Variants in SHANK2 observed in about 807,000 individuals in gnomAD.
The protein encoded by SHANK2 is SH3 and multiple ankyrin repeat domains 2.
SHANK2 carries 43 observed loss-of-function variants against 133.7 expected under a neutral mutation model. The ratio of observed to expected loss-of-function variants is 0.32; its 90% CI spans 0.25 to 0.41. The LOEUF is 0.41. SHANK2 is among the 10% of genes least tolerant of loss of function. The probability of loss-of-function intolerance (pLI) is 1.00; values close to 1 mark genes in which losing one functional copy is unlikely to be tolerated. For synonymous variants in SHANK2, 1,017 were observed against 952.8 expected, an observed-to-expected ratio of 1.07 and a Z score of -1.24; for missense variants, 1,994 against 2,235.8, an observed-to-expected ratio of 0.89 and a Z score of 2.18.
At chr11:70,612,935 G>T (rs559705945) in intron 17 of SHANK2, among the ~76,000 whole-genome samples, 166 of 152,162 alleles carry the variant, frequency 1.1e-3, no homozygotes, top group African/African-American at 3.9e-3. Context: ...TCCCACCAGC[G>T]CACTGTACTC....
At chr11:70,699,406 A>AC (rs1228741408) in intron 14 of SHANK2, among the ~76,000 whole-genome samples, 2 of 152,096 alleles carry the variant, frequency 1.3e-5, no homozygotes, top group Non-Finnish European at 2.9e-5. Flanking sequence ...GGAGAAAAAA[A>AC]ACACACACAC....
intron 15 of SHANK2, among the ~76,000 whole-genome samples, chr11:70,690,401 A>G (rs1296037299): frequency 6.7e-6 from 1 of 149,312 alleles, no homozygotes; most frequent in African/African-American, 2.5e-5. Flanking sequence ...TTGTGATACT[A>G]TTAGTACCCT....
intron 10 of SHANK2, among the ~76,000 whole-genome samples, chr11:70,912,442 T>C (rs558106117): frequency 6.6e-6 from 1 of 152,298 alleles, no homozygotes; most frequent in African/African-American, 2.4e-5. Context: ...TTTCCCATGC[T>C]ATTCTTGTGA....
intron 2 of SHANK2, among the ~76,000 whole-genome samples, chr11:71,149,447 T>G (rs1342577020): frequency 2.6e-5 from 4 of 152,190 alleles, no homozygotes; most frequent in Non-Finnish European, 4.4e-5. Flanking sequence ...GTCTTGTCGC[T>G]TCTCTACAAA....
chr11:70,642,212 C>G (rs1425064628), intron 17 of SHANK2, among the ~76,000 whole-genome samples: 3 of 152,200 alleles, frequency 2.0e-5, no homozygotes, highest in African/African-American at 7.2e-5. Context: ...GCGCCCTGAC[C>G]TCAAACCATC....
chr11:71,069,852 G>A (rs1951119634), intron 9 of SHANK2, among the ~76,000 whole-genome samples: 1 of 152,180 alleles, frequency 6.6e-6, no homozygotes, highest in South Asian at 2.1e-4. Context: ...TCCCTGAACA[G>A]TCTGTTGTTC....
intron 2 of SHANK2, among the ~76,000 whole-genome samples, chr11:71,197,110 A>T (rs1299437963): frequency 6.6e-6 from 1 of 152,128 alleles, no homozygotes; most frequent in East Asian, 1.9e-4. Context: ...GAACAAAATC[A>T]ACATAAATCT....
At chr11:70,863,934 G>A in intron 11 of SHANK2, 1 of 434,032 alleles carries the variant, frequency 2.3e-6, no homozygotes, top group Non-Finnish European at 4.5e-6. Flanking sequence ...CCCCACAACG[G>A]TGAGAGAATG....
In SHANK2 at chr11:70,784,872, T is replaced by C. The variant is rs116471297; in HGVS notation, c.1777+13571A>G. ...GCCACTGCTAAGAGCCCTCCCGCTATTGGGGGCTGCTGTCCTGCCTCCCAT... is the reference window on the plus strand; with the variant it reads ...GCCACTGCTAAGAGCCCTCCCGCTACTGGGGGCTGCTGTCCTGCCTCCCAT... On this transcript the variant is annotated intron_variant, in intron 14 of 25. Transcript: ENST00000601538. Among the ~76,000 whole-genome samples, 195 of 152,290 alleles carry C rather than the reference T, an allele frequency of 1.3e-3. 1 individual carries two copies. The highest frequency in any genetic ancestry group is 4.6e-3 in the African/African-American group (191 of 41,572).
chr11:71,073,174 T>TTTTTTTTTTTTTTTTTTTTTTTATG, intron 9 of SHANK2, among the ~76,000 whole-genome samples: 1 of 117,590 alleles, frequency 8.5e-6, no homozygotes, highest in Non-Finnish European at 2.0e-5. Flanking sequence ...TCTTTTTTTT[T>TTTTTTTTTTTTTTTTTTTTTTTATG]TTGAGATAGA....
At chr11:70,735,036 T>C (rs1946372868) in intron 14 of SHANK2, among the ~76,000 whole-genome samples, 1 of 152,272 alleles carries the variant, frequency 6.6e-6, no homozygotes, top group Non-Finnish European at 1.5e-5. Context: ...CAGTCCCGTG[T>C]CTGGGCTCAG....
chr11:71,161,841 T>G (rs1476999266), intron 2 of SHANK2, among the ~76,000 whole-genome samples: 1 of 152,232 alleles, frequency 6.6e-6, no homozygotes, highest in Non-Finnish European at 1.5e-5. Flanking sequence ...CCTTAGTCAC[T>G]CACATTTGGC....
At chr11:71,141,750 C>A (rs1952557873) in intron 3 of SHANK2, among the ~76,000 whole-genome samples, 1 of 152,138 alleles carries the variant, frequency 6.6e-6, no homozygotes, top group Admixed American at 6.5e-5. Context: ...CAGCCCTGGG[C>A]CTGCTCCTCT....
chr11:71,071,397 C>T (rs938816891), intron 9 of SHANK2, among the ~76,000 whole-genome samples: 1 of 152,216 alleles, frequency 6.6e-6, no homozygotes, highest in Non-Finnish European at 1.5e-5. Context: ...AGCTGAAATG[C>T]CACCCAACCG....
At chr11:71,249,523 T>C (rs1266135014) in intron 1 of SHANK2, among the ~76,000 whole-genome samples, 1 of 152,076 alleles carries the variant, frequency 6.6e-6, no homozygotes, top group Non-Finnish European at 1.5e-5. Flanking sequence ...CAGCCCCAGG[T>C]GAAAGCTCCG....
At chr11:71,244,438 G>T (rs966355382) in intron 1 of SHANK2, among the ~76,000 whole-genome samples, 2 of 151,984 alleles carry the variant, frequency 1.3e-5, no homozygotes, top group Non-Finnish European at 2.9e-5. Context: ...CGGATCACAC[G>T]CTCCTCCCAG....
At chr11:70,945,966 T>C (rs1950720345) in intron 10 of SHANK2, among the ~76,000 whole-genome samples, 1 of 150,086 alleles carries the variant, frequency 6.7e-6, no homozygotes, top group South Asian at 2.1e-4. Flanking sequence ...TAACCAACCC[T>C]TCCCAGGCTC....
intron 17 of SHANK2, among the ~76,000 whole-genome samples, chr11:70,613,763 G>GTTTTTTTTTTTTTTTTTTTTTTTTTTTT (rs57180024): frequency 8.1e-6 from 1 of 123,776 alleles, no homozygotes; most frequent in South Asian, 2.6e-4. Flanking sequence ...AGGGGAACTT[G>GTTTTTTTTTTTTTTTTTTTTTTTTTTTT]TTTTTTTTTT....
intron 14 of SHANK2, among the ~76,000 whole-genome samples, chr11:70,767,626 T>C (rs1366180390): frequency 6.6e-6 from 1 of 152,062 alleles, no homozygotes; most frequent in African/African-American, 2.4e-5. Context: ...CTGGAGGATT[T>C]CATTGATAGG....
Sources: gnomAD v4.1 joint callset for allele counts (sites outside exome capture counted in the v4.1 genomes callset) on GRCh38, gnomAD v4.1.1 for gene constraint, MANE v1.5 for transcripts, NCBI Gene and HGNC (gene_info 2026-07-23, HGNC 2026-07-21) for gene names.